Variants in SMARCA2 observed in about 807,000 individuals in gnomAD.
SMARCA2 encodes the protein SWI/SNF-related matrix-associated actin-dependent regulator of chromatin subfamily A member 2.
Under a neutral mutation model 199.8 loss-of-function variants are expected in SMARCA2, and 61 were observed. The ratio of observed to expected loss-of-function variants is 0.31; its 90% confidence interval spans 0.25 to 0.38. The LOEUF is 0.38. Ranked by LOEUF, SMARCA2 falls within the 10% of genes least tolerant of loss-of-function variation. The pLI is 1.00. For missense variants in SMARCA2, 1,344 were observed against 2,012.2 expected, an observed-to-expected ratio of 0.67 and a Z score of 6.35; for synonymous variants, 935 against 732.0, an observed-to-expected ratio of 1.28 and a Z score of -4.48.
intron 12 of SMARCA2, among the ~76,000 whole-genome samples, chr9:2,075,904 C>T (rs1227539009): frequency 6.6e-6 from 1 of 152,142 alleles, no homozygotes; most frequent in African/African-American, 2.4e-5. Context: ...TGAGTGAGAG[C>T]AGATATGCTC....
chr9:2,185,415 C>T (rs185019858), intron 31 of SMARCA2, among the ~76,000 whole-genome samples: 10 of 152,306 alleles, frequency 6.6e-5, no homozygotes, highest in South Asian at 2.1e-4. Context: ...ACTCATTTGT[C>T]GATGGACCCT....
intron 1 of SMARCA2, among the ~76,000 whole-genome samples, chr9:2,018,313 C>G (rs1482047357): frequency 6.6e-6 from 1 of 152,272 alleles, no homozygotes; most frequent in East Asian, 1.9e-4. Context: ...CTTCTCCCCT[C>G]CTTTGTTTAT....
chr9:2,056,728 C>T lies in SMARCA2; in HGVS notation c.1230C>T (p.Leu410=). 1 of 1,614,194 alleles carries T rather than the reference C, an allele frequency of 6.2e-7. No homozygotes were observed. Among genetic ancestry groups the T allele is most frequent in the South Asian group, 1.1e-5 (1 of 91,076 alleles). ...MRRDTTLETA[L]NSKAYKRSKR... ...GGGACACGACCCTGGAGACGGCTCT[C>T]AACTCCAAAGCATACAAACGGAGCA... The change falls in exon 7 of 34, where the codon CTC becomes CTT. Residue 410 remains leucine, a synonymous_variant. Coordinates refer to ENST00000349721, the MANE Select transcript of SMARCA2 (RefSeq NM_003070.5). This position sits in a 1 kb window ranked among gnomAD's most constrained non-coding sequence, Gnocchi z 4.0.
intron 27 of SMARCA2, among the ~76,000 whole-genome samples, chr9:2,148,580 T>A (rs996068139): frequency 1.3e-5 from 2 of 151,548 alleles, no homozygotes; most frequent in Admixed American, 6.6e-5. Flanking sequence ...CATGTTGGTG[T>A]GCTGCACCCA....
chr9:2,041,237 T>C, intron 4 of SMARCA2: 1 of 398,178 alleles, frequency 2.5e-6, no homozygotes, highest in Non-Finnish European at 4.4e-6. Flanking sequence ...TTAATTGTTA[T>C]AGCCTTAAGA....
At chr9:2,120,016 C>T (rs1823385787) in intron 26 of SMARCA2, among the ~76,000 whole-genome samples, 1 of 152,210 alleles carries the variant, frequency 6.6e-6, no homozygotes, top group Non-Finnish European at 1.5e-5. Flanking sequence ...GCAACATGCT[C>T]CTTAGGGAGA....
intron 15 of SMARCA2, among the ~76,000 whole-genome samples, chr9:2,082,531 T>C (rs1327116084): frequency 6.6e-6 from 1 of 152,214 alleles, no homozygotes; most frequent in African/African-American, 2.4e-5. Context: ...GAGTTTGCTG[T>C]TCGCCATTAC....
rs1038263805 is a variant in SMARCA2, at chr9:2,119,601, A to G, written c.3762+66A>G. Reference sequence around the variant, plus strand: ...TCTGCCCCTTTTTCTGTTAAGCAGAATGTCTGCAGCCTGCGTGCCTGGCAG... The same window carrying G: ...TCTGCCCCTTTTTCTGTTAAGCAGAGTGTCTGCAGCCTGCGTGCCTGGCAG... On this transcript the variant is annotated intron_variant, in intron 26 of 33. Coordinates refer to ENST00000349721, the MANE Select transcript of SMARCA2 (RefSeq NM_003070.5). This position sits in a 1 kb window ranked among gnomAD's most constrained non-coding sequence, Gnocchi z 4.6. 30 of 1,112,124 alleles carry G rather than the reference A, an allele frequency of 2.7e-5. No homozygotes were observed. The highest frequency in any genetic ancestry group is 4.1e-5 in the Non-Finnish European group (30 of 731,884). The allele number at this position is 1,112,124 out of a possible 1,614,324, so 68.9% of individuals were successfully genotyped here.
intron 14 of SMARCA2, among the ~76,000 whole-genome samples, chr9:2,080,828 C>T (rs1821536440): frequency 6.6e-6 from 1 of 152,218 alleles, no homozygotes; most frequent in Non-Finnish European, 1.5e-5. Context: ...CTGTCAACCA[C>T]TTCTTGGCAT....
intron 4 of SMARCA2, chr9:2,041,947 A>G (rs936743709): frequency 4.6e-5 from 7 of 152,328 alleles, no homozygotes; most frequent in Non-Finnish European, 5.9e-5. Context: ...CACACAACTA[A>G]TGATGGAGAG....
rs112843982 is a variant in SMARCA2 at position 2,169,243 on chromosome 9, G to T, written c.4200-1176G>T. Among the ~76,000 whole-genome samples, 2,300 of 152,260 alleles carry T rather than the reference G, an allele frequency of 0.015. 64 individuals are homozygous for T. The highest frequency in any genetic ancestry group is 0.053 in the African/African-American group (2,205 of 41,544). ...TGGCAAGCTGCAGGGTGGACTGCGTGCCCTGCCTCCAGTCTCTTCCTGTCC... is the reference window on the plus strand; with the variant it reads ...TGGCAAGCTGCAGGGTGGACTGCGTTCCCTGCCTCCAGTCTCTTCCTGTCC... On this transcript the variant is annotated intron_variant, in intron 28 of 33. Transcript: ENST00000349721. This position sits in a 1 kb window ranked among gnomAD's most constrained non-coding sequence, Gnocchi z 6.5.
chr9:2,043,106 C>T (rs570758405), intron 4 of SMARCA2: 2 of 152,064 alleles, frequency 1.3e-5, no homozygotes, highest in East Asian at 1.9e-4. Context: ...TACTTTTAAA[C>T]ACCCCTGCTA....
At position 2,193,042 on chromosome 9, in the gene SMARCA2, G is replaced by T. The variant is rs553292247; in HGVS notation, c.*303G>T. ...TATTTCTATGGGTGGGTCTAATTTG[G>T]TAACGGTTTGATTGTGCCTGGTTTT... is the stretch of plus-strand genomic sequence containing the variant. On this transcript the variant is annotated 3_prime_UTR_variant, in exon 34 of 34. Transcript: ENST00000349721. 1 of 292,286 alleles carries T rather than the reference G, an allele frequency of 3.4e-6. No individual in the cohort carries two copies. The highest frequency in any genetic ancestry group is 2.2e-5 in the African/African-American group (1 of 45,700). 18.1% of individuals were successfully genotyped at this position (292,286 alleles called of 1,614,324 possible).
chr9:2,183,478 T>A (rs2129904962), intron 31 of SMARCA2, among the ~76,000 whole-genome samples: 1 of 152,340 alleles, frequency 6.6e-6, no homozygotes, highest in South Asian at 2.1e-4. Flanking sequence ...TTTTTTCCTG[T>A]CTGTATCTCT....
chr9:2,155,579 G>C (rs982212408), intron 27 of SMARCA2, among the ~76,000 whole-genome samples: 14 of 152,130 alleles, frequency 9.2e-5, no homozygotes, highest in Non-Finnish European at 1.5e-5. Context: ...CTGCGCGGGG[G>C]CATTTTCGTT....
chr9:2,183,140 G>A (rs545040025), intron 31 of SMARCA2, among the ~76,000 whole-genome samples: 2 of 152,306 alleles, frequency 1.3e-5, no homozygotes, highest in East Asian at 1.9e-4. Flanking sequence ...ATCATTGAAG[G>A]TAATGCTGAA....
rs576674924 is a variant in SMARCA2 at position 2,063,431 on chromosome 9, C to G, written c.1692+2445C>G. Among the ~76,000 whole-genome samples, 9 of 152,312 alleles carry G rather than the reference C, an allele frequency of 5.9e-5. No homozygotes were observed. In the South Asian group the frequency reaches 1.9e-3, roughly 32 times the overall value. ...CTAGCTTCTCTGTAGTGGAGGAAAA[C>G]TTCTGTGTCTATGAGCATAAAAATC... On this transcript the variant is annotated intron_variant, in intron 9 of 33. Transcript: ENST00000349721.
chr9:2,186,813 G>T (rs1054671876), intron 32 of SMARCA2, among the ~76,000 whole-genome samples: 1 of 152,120 alleles, frequency 6.6e-6, no homozygotes, highest in Non-Finnish European at 1.5e-5. Context: ...GGCACAAGCC[G>T]CCACACCTGA....
At chr9:2,062,553 T>C (rs1820644533) in intron 9 of SMARCA2, among the ~76,000 whole-genome samples, 1 of 152,230 alleles carries the variant, frequency 6.6e-6, no homozygotes, top group African/African-American at 2.4e-5. Context: ...TGTTCATCTG[T>C]ACAGAACAGG....
Sources: allele counts gnomAD v4.1 joint callset (sites outside exome capture counted in the v4.1 genomes callset), GRCh38; gene constraint gnomAD v4.1.1; non-coding constraint Gnocchi (gnomAD v3.1); transcripts MANE v1.5; gene names NCBI Gene and HGNC (gene_info 2026-07-23, HGNC 2026-07-21).